ULK4: variants seen among roughly 807,000 people sequenced by gnomAD.
ULK4 encodes inactive serine/threonine-protein kinase ULK4.
A neutral mutation model predicts 160.6 loss-of-function variants in ULK4; 133 were observed. The observed-to-expected ratio is 0.83, with a 90% CI of 0.72 to 0.96. The LOEUF (loss-of-function observed/expected upper bound fraction) is 0.96, where lower values mean the gene tolerates loss of function less well. Among genes scored for constraint, ULK4 ranks in the 40% least tolerant of loss-of-function variants. The pLI is 0.00. For synonymous variants in ULK4, 534 were observed against 539.8 expected (o/e 0.99, Z 0.15); for missense variants, 1,580 against 1,499.5 (o/e 1.05, Z -0.89).
intron 35 of ULK4, among the ~76,000 whole-genome samples, chr3:41,322,750 G>A (rs6770252): frequency 0.55 from 84,377 of 152,094 alleles, 25,462 homozygotes; most frequent in African/African-American, 0.81. Flanking sequence ...ATATTAAACT[G>A]TATCCAATAT....
At chr3:41,945,781 C>G (rs952215225) in intron 2 of ULK4, among the ~76,000 whole-genome samples, 1 of 152,160 alleles carries the variant, frequency 6.6e-6, no homozygotes, top group Non-Finnish European at 1.5e-5. Flanking sequence ...AATTAAAATG[C>G]CCGAATCCAT....
chr3:41,404,053 T>C (rs1158443119), intron 34 of ULK4, among the ~76,000 whole-genome samples: 4 of 152,014 alleles, frequency 2.6e-5, no homozygotes, highest in African/African-American at 9.7e-5. Context: ...GAAAAAAAAA[T>C]GCGTATTCTG....
intron 22 of ULK4, among the ~76,000 whole-genome samples, chr3:41,753,274 C>A (rs1242996833): frequency 6.6e-6 from 1 of 152,066 alleles, no homozygotes; most frequent in African/African-American, 2.4e-5. Context: ...GGTATGTAAT[C>A]GCCCCAATTT....
chr3:41,326,578 C>G, intron 35 of ULK4, among the ~76,000 whole-genome samples: 1 of 152,074 alleles, frequency 6.6e-6, no homozygotes, highest in East Asian at 1.9e-4. Context: ...AAGAAGCTGA[C>G]AGTCAACAGG....
At chr3:41,780,798 A>AT (rs1391274090) in intron 21 of ULK4, among the ~76,000 whole-genome samples, 1 of 152,158 alleles carries the variant, frequency 6.6e-6, no homozygotes, top group East Asian at 1.9e-4. Context: ...CTTAGATGCA[A>AT]TTTACCAATC....
intron 25 of ULK4, among the ~76,000 whole-genome samples, chr3:41,709,758 A>G (rs1297316079): frequency 6.6e-6 from 1 of 152,170 alleles, no homozygotes; most frequent in Non-Finnish European, 1.5e-5. Context: ...TAATTCCAAA[A>G]TGGACACATA....
chr3:41,706,376 ATATATATATT>A (rs2036882965), intron 25 of ULK4, among the ~76,000 whole-genome samples: 1 of 145,118 alleles, frequency 6.9e-6, no homozygotes, highest in Admixed American at 6.9e-5. Flanking sequence ...TATATATTTA[ATATATATATT>A]TATATATATT....
Position 41,901,169 on chromosome 3 carries a change from C to CTTTTTTTTTT in ULK4, c.1183-341_1183-340insAAAAAAAAAA, listed in dbSNP as rs756499023. Among the ~76,000 whole-genome samples the CTTTTTTTTTT allele has an allele frequency of 6.8e-4, 65 of 95,726 alleles. 4 individuals carry two copies. The highest frequency in any genetic ancestry group is 1.0e-3 in the Non-Finnish European group (47 of 44,916). The allele number at this position is 95,726 out of a possible 152,430, so 62.8% of individuals were successfully genotyped here. On this transcript the variant is annotated intron_variant, in intron 12 of 36. Coordinates refer to ENST00000301831, the MANE Select transcript of ULK4 (RefSeq NM_017886.4). ...AATTGGTTTTTCCATAACAGCATGG[C>CTTTTTTTTTT]TTCTTTTTTTTTTTTTTTTTTTTTT...
At chr3:41,833,283 TTTG>T (rs1298004185) in intron 18 of ULK4, among the ~76,000 whole-genome samples, 5 of 140,348 alleles carry the variant, frequency 3.6e-5, no homozygotes, top group East Asian at 2.0e-4. Context: ...TGTTTTTTTT[TTTG>T]TTTTTTTTTT....
At chr3:41,603,993 G>T (rs1446067073) in intron 31 of ULK4, among the ~76,000 whole-genome samples, 1 of 152,032 alleles carries the variant, frequency 6.6e-6, no homozygotes, top group African/African-American at 2.4e-5. Context: ...GATAGATGAG[G>T]CTAAAGAGAC....
At position 41,463,194 on chromosome 3, in the gene ULK4, C is replaced by T. The variant is rs1006449246; in HGVS notation, c.3286G>A (p.Asp1096Asn). ...TETATLCLDV[D>N]NKNNNEMAAP... Reference sequence around the variant, plus strand: ...GCCATCTCATTGTTGTTTTTATTGTCCACATCCAAGCACAGTGTGGCAGTT... The same window carrying T: ...GCCATCTCATTGTTGTTTTTATTGTTCACATCCAAGCACAGTGTGGCAGTT... Residue 1096 changes from aspartate (D) to asparagine (N), a missense_variant, in exon 33 of 37, where the codon GAC (aspartate) becomes AAC (asparagine). By Grantham distance (23) the Asp-to-Asn change is conservative. Transcript: ENST00000301831. 5.0e-6 allele frequency: 8 copies of T among 1,613,376 alleles called. No individual in the cohort carries two copies. The highest frequency in any genetic ancestry group is 2.7e-5 in the African/African-American group (2 of 74,840).
chr3:41,772,972 C>A (rs553153791), intron 21 of ULK4, among the ~76,000 whole-genome samples: 14 of 152,290 alleles, frequency 9.2e-5, no homozygotes, highest in Admixed American at 7.8e-4. Flanking sequence ...ACAAAAACCA[C>A]ATGATTATCT....
chr3:41,301,973 T>C (rs967957323), intron 35 of ULK4, among the ~76,000 whole-genome samples: 1 of 152,234 alleles, frequency 6.6e-6, no homozygotes. Flanking sequence ...TGATACTGAA[T>C]GGTAAGAGTC....
At chr3:41,259,537 C>T (rs2078904812) in intron 35 of ULK4, among the ~76,000 whole-genome samples, 1 of 152,106 alleles carries the variant, frequency 6.6e-6, no homozygotes, top group Non-Finnish European at 1.5e-5. Flanking sequence ...TGCCTATACT[C>T]CTCATCTAAG....
In ULK4 at chr3:41,371,790, C is replaced by T. The variant is rs780249901; in HGVS notation, c.3678+26289G>A. Among the ~76,000 whole-genome samples the T allele has an allele frequency of 2.2e-4, 33 of 151,820 alleles. 1 individual carries two copies. Among genetic ancestry groups the T allele is most frequent in the Non-Finnish European group, 4.4e-5 (3 of 67,974 alleles). ...TGAGGAAACAAAACTGGATGGAGAA[C>T]GAGTTTGATGAATTGACAGAAGTAG... On this transcript the variant is annotated intron_variant, in intron 35 of 36. Transcript: ENST00000301831.
At chr3:41,681,982 A>C (rs547952489) in intron 27 of ULK4, among the ~76,000 whole-genome samples, 178 bp from the exon 28 acceptor site, 9 of 152,350 alleles carry the variant, frequency 5.9e-5, no homozygotes, top group African/African-American at 1.9e-4. Context: ...AGCTCATTTA[A>C]ATCTAAAAAA....
chr3:41,656,813 C>A (rs2034950858), intron 30 of ULK4, among the ~76,000 whole-genome samples: 1 of 152,056 alleles, frequency 6.6e-6, no homozygotes, highest in Admixed American at 6.5e-5. Flanking sequence ...AGATACAGAA[C>A]ATAAACAATT....
At chr3:41,603,501 C>A (rs2032218274) in intron 31 of ULK4, among the ~76,000 whole-genome samples, 1 of 152,062 alleles carries the variant, frequency 6.6e-6, no homozygotes, top group Admixed American at 6.6e-5. Flanking sequence ...CAGGATCTAA[C>A]CAACTTTTAT....
chr3:41,792,958 A>G (rs2040194011), intron 20 of ULK4, among the ~76,000 whole-genome samples: 1 of 152,236 alleles, frequency 6.6e-6, no homozygotes, highest in African/African-American at 2.4e-5. Flanking sequence ...GCGGATCACA[A>G]GGTCAGGAGT....
Sources: allele counts gnomAD v4.1 joint callset (sites outside exome capture counted in the v4.1 genomes callset), GRCh38; gene constraint gnomAD v4.1.1; transcripts MANE v1.5; gene names NCBI Gene and HGNC (gene_info 2026-07-23, HGNC 2026-07-21).